Variants in ADAD1 observed in about 807,000 individuals in gnomAD.
ADAD1 encodes the protein adenosine deaminase domain-containing protein 1.
In ADAD1, 46 loss-of-function variants were observed where a neutral mutation model predicts 66.8. The observed-to-expected ratio is 0.69, with a 90% CI of 0.54 to 0.88. The LOEUF (loss-of-function observed/expected upper bound fraction) is 0.88, where lower values mean the gene tolerates loss of function less well. Among genes scored for constraint, ADAD1 ranks in the 40% least tolerant of loss-of-function variants. The probability of loss-of-function intolerance (pLI) is 0.00; values close to 1 mark genes in which losing one functional copy is unlikely to be tolerated. For synonymous variants in ADAD1, 248 were observed against 229.4 expected (o/e 1.08, Z -0.73); for missense variants, 617 against 681.8 (o/e 0.91, Z 1.06).
intron 5 of ADAD1, among the ~76,000 whole-genome samples, chr4:122,392,537 A>G (rs1037110471): frequency 2.6e-5 from 4 of 152,220 alleles, no homozygotes; most frequent in African/African-American, 4.8e-5. Context: ...TTGGAACAAT[A>G]GATGCTGTGG....
chr4:122,408,469 T>C (rs373792392), intron 8 of ADAD1, among the ~76,000 whole-genome samples: 5 of 152,258 alleles, frequency 3.3e-5, no homozygotes, highest in African/African-American at 1.2e-4. Flanking sequence ...AGAGACAAGG[T>C]TTCACCATGT....
intron 5 of ADAD1, among the ~76,000 whole-genome samples, chr4:122,386,933 C>A (rs1449968035): frequency 3.9e-5 from 6 of 152,188 alleles, no homozygotes; most frequent in Admixed American, 6.5e-5. Flanking sequence ...GTTTTGGTTA[C>A]TGTATTCTTG....
intron 7 of ADAD1, among the ~76,000 whole-genome samples, chr4:122,400,422 A>G (rs1034365018): frequency 9.9e-5 from 15 of 151,600 alleles, no homozygotes; most frequent in African/African-American, 3.6e-4. Flanking sequence ...TTTGTTGAGG[A>G]TTTTTGCATC....
chr4:122,404,651 C>G (rs1043765853), intron 7 of ADAD1, among the ~76,000 whole-genome samples: 2 of 152,134 alleles, frequency 1.3e-5, no homozygotes, highest in Admixed American at 1.3e-4. Flanking sequence ...ATGTGAGTCT[C>G]CACACGCTAT....
At chr4:122,392,275 A>G (rs1187612487) in intron 5 of ADAD1, among the ~76,000 whole-genome samples, 1 of 152,212 alleles carries the variant, frequency 6.6e-6, no homozygotes, top group Non-Finnish European at 1.5e-5. Flanking sequence ...CACTATTCAC[A>G]ACAGCAAAGA....
At chr4:122,428,103 T>G (rs984708196) in intron 12 of ADAD1, among the ~76,000 whole-genome samples, 1 of 152,172 alleles carries the variant, frequency 6.6e-6, no homozygotes, top group African/African-American at 2.4e-5. Flanking sequence ...GATCTTTATG[T>G]CAGTCATACA....
chr4:122,407,054 T>C (rs1204318472), intron 7 of ADAD1, among the ~76,000 whole-genome samples: 1 of 151,976 alleles, frequency 6.6e-6, no homozygotes, highest in African/African-American at 2.4e-5. Context: ...CCTCAGCAAT[T>C]GTTGCTGAGT....
rs1436570139 is a variant in ADAD1, at chr4:122,426,255, A to G, written c.1618-3371A>G. 2.0e-5 allele frequency among the ~76,000 whole-genome samples: 3 copies of G among 152,300 alleles called. No homozygotes were observed. In the East Asian group the frequency reaches 5.8e-4, roughly 29 times the overall value. ...TCAGCAGACACATTAGATGAAATGGACATGTTCCTAGAAAGACACAAATCA... is the reference window on the plus strand; with the variant it reads ...TCAGCAGACACATTAGATGAAATGGGCATGTTCCTAGAAAGACACAAATCA... On this transcript the variant is annotated intron_variant, in intron 12 of 12. Coordinates refer to ENST00000296513, the MANE Select transcript of ADAD1 (RefSeq NM_139243.4).
chr4:122,404,361 C>T (rs1796113264), intron 7 of ADAD1, among the ~76,000 whole-genome samples: 1 of 152,268 alleles, frequency 6.6e-6, no homozygotes, highest in South Asian at 2.1e-4. Context: ...GGATCTCCTA[C>T]AGGGCTCTTC....
rs941638783 is a variant in ADAD1, at chr4:122,403,082, G to T, written c.725-4826G>T. Among the ~76,000 whole-genome samples, 9 of 152,144 alleles carry T rather than the reference G, an allele frequency of 5.9e-5. 1 individual carries two copies. The highest frequency in any genetic ancestry group is 3.9e-4 in the Admixed American group (6 of 15,280). On this transcript the variant is annotated intron_variant, in intron 7 of 12. Coordinates refer to ENST00000296513, the MANE Select transcript of ADAD1 (RefSeq NM_139243.4). ...AGAATCTTGTTTTGTCATATTACCA[G>T]ATTTACTTTTCTGGTTCCTTCTCAT...
At position 122,380,201 on chromosome 4, in the gene ADAD1, C is replaced by T; in HGVS notation, c.132C>T (p.Tyr44=). Residue 44 remains tyrosine (Y), a synonymous_variant, in exon 3 of 13, where the codon TAC becomes TAT. Coordinates refer to ENST00000296513, the MANE Select transcript of ADAD1 (RefSeq NM_139243.4). ...CCACAGGATGGTCCTCAGAAAGTTACGGCCTGTCCAAGATGGCATCCAAGG... is the reference window on the plus strand; with the variant it reads ...CCACAGGATGGTCCTCAGAAAGTTATGGCCTGTCCAAGATGGCATCCAAGG... ...TTPTGWSSES[Y]GLSKMASKVT... is the part of the protein sequence containing the mutation. 6.2e-7 allele frequency: 1 copy of T among 1,613,774 alleles called. No individual in the cohort carries two copies. Among genetic ancestry groups the T allele is most frequent in the Non-Finnish European group, 8.5e-7 (1 of 1,179,910 alleles).
At chr4:122,408,582 A>G (rs1796327686) in intron 8 of ADAD1, among the ~76,000 whole-genome samples, 1 of 152,116 alleles carries the variant, frequency 6.6e-6, no homozygotes. Flanking sequence ...GGCCAAACTC[A>G]GTTTTAAGAA....
chr4:122,380,310 C>T (rs1464740335), intron 3 of ADAD1, 69 bp downstream of exon 3: 3 of 1,519,230 alleles, frequency 2.0e-6, no homozygotes. Flanking sequence ...TAAGTTCTGT[C>T]GAGTCTCTGG....
intron 12 of ADAD1, among the ~76,000 whole-genome samples, chr4:122,423,709 A>G (rs1435897008): frequency 6.6e-6 from 1 of 152,194 alleles, no homozygotes; most frequent in Non-Finnish European, 1.5e-5. Flanking sequence ...ACAGTGGAAT[A>G]TAATTGAGAG....
In ADAD1 at chr4:122,381,051, C is replaced by T; in HGVS notation, c.232C>T (p.Pro78Ser). 6.3e-7 allele frequency: 1 copy of T among 1,599,180 alleles called. No homozygotes were observed. The highest frequency in any genetic ancestry group is 8.5e-7 in the Non-Finnish European group (1 of 1,176,734). ...NLSSISNPVL[P>S]PKKIPKEFIM... ...TTCATCTATTTCAAATCCTGTCCTTCCTCCAAAAAAAATACCTAAGGAATT... is the reference window on the plus strand; with the variant it reads ...TTCATCTATTTCAAATCCTGTCCTTTCTCCAAAAAAAATACCTAAGGAATT... Residue 78 changes from proline to serine, a missense_variant, in exon 4 of 13, where the codon CCT (proline) becomes TCT (serine). By Grantham distance (74) the Pro-to-Ser change is moderately conservative. Coordinates refer to ENST00000296513, the MANE Select transcript of ADAD1 (RefSeq NM_139243.4).
rs374273566 is a variant in ADAD1, at chr4:122,412,812, G to A, written c.1249+3G>A. 37 of 1,611,758 alleles carry A rather than the reference G, an allele frequency of 2.3e-5. No homozygotes were observed. Among genetic ancestry groups the A allele is most frequent in the Non-Finnish European group, 3.0e-5 (35 of 1,178,456 alleles). On this transcript the variant is annotated splice_donor_region_variant and intron_variant, in intron 10 of 12. Coordinates refer to ENST00000296513, the MANE Select transcript of ADAD1 (RefSeq NM_139243.4). ...TTACATCAGCAGTATACTTATTGGT[G>A]AGTGGGATTTCAGAACCTCCTGGGC...
At chr4:122,413,678 C>T (rs1340794825) in intron 10 of ADAD1, among the ~76,000 whole-genome samples, 1 of 151,668 alleles carries the variant, frequency 6.6e-6, no homozygotes, top group African/African-American at 2.4e-5. Flanking sequence ...AGTTCGTGGA[C>T]TTTTAAGAAG....
chr4:122,399,128 CTT>C (rs1235825639), intron 7 of ADAD1, among the ~76,000 whole-genome samples: 1 of 152,072 alleles, frequency 6.6e-6, no homozygotes, highest in East Asian at 1.9e-4. Context: ...TTTGATCCAT[CTT>C]GAGTTGATTT....
chr4:122,425,018 T>G (rs1449969705), intron 12 of ADAD1, among the ~76,000 whole-genome samples: 1 of 152,084 alleles, frequency 6.6e-6, no homozygotes, highest in Non-Finnish European at 1.5e-5. Flanking sequence ...CAGAAAGATA[T>G]GTGTATGTGG....
Sources: allele counts gnomAD v4.1 joint callset (sites outside exome capture counted in the v4.1 genomes callset), GRCh38; gene constraint gnomAD v4.1.1; transcripts MANE v1.5; gene names NCBI Gene and HGNC (gene_info 2026-07-23, HGNC 2026-07-21).